Variants in IFT140 observed in about 807,000 individuals in gnomAD.
IFT140 encodes intraflagellar transport 140.
Under a neutral mutation model 164.6 loss-of-function variants are expected in IFT140, and 133 were observed. That is an observed-to-expected ratio of 0.81 (90% CI 0.70 to 0.93). IFT140 has a LOEUF of 0.93. Ranked by LOEUF, IFT140 falls within the 40% of genes least tolerant of loss-of-function variation. The pLI is 0.00. For synonymous variants in IFT140, 860 were observed against 817.3 expected (o/e 1.05, Z -0.89); for missense variants, 2,045 against 1,972.3 (o/e 1.04, Z -0.70).
rs911921055 is a variant in IFT140, at chr16:1,558,536, G to A, written c.2200-402C>T. On this transcript the variant is annotated intron_variant, in intron 18 of 30. Coordinates refer to ENST00000426508, the MANE Select transcript of IFT140 (RefSeq NM_014714.4). ...CCCCGCATGGCACAGGGAGGGACGC[G>A]GCTGTGGGCCCAGTGTGGGAGCACA... 2.6e-5 allele frequency among the ~76,000 whole-genome samples: 4 copies of A among 152,352 alleles called. No homozygotes were observed. The South Asian group carries it at 8.3e-4, about 32-fold the overall frequency.
At chr16:1,555,270 C>G in intron 19 of IFT140, 1 of 511,362 alleles carries the variant, frequency 2.0e-6, no homozygotes, top group Non-Finnish European at 3.5e-6. Flanking sequence ...CGCGGCTCCA[C>G]GACCACACGC....
intron 19 of IFT140, among the ~76,000 whole-genome samples, chr16:1,536,601 A>G (rs1256682271): frequency 6.6e-6 from 1 of 152,178 alleles, no homozygotes; most frequent in Non-Finnish European, 1.5e-5. Flanking sequence ...TCAACGGGTA[A>G]CTTTTCTTTA....
intron 13 of IFT140, chr16:1,579,365 T>A (rs2034437462): frequency 6.6e-6 from 1 of 151,982 alleles, no homozygotes; most frequent in South Asian, 2.1e-4. Flanking sequence ...ACCTTGTGGT[T>A]CAAGGTCAAG....
Position 1,528,948 on chromosome 16 carries a change from TC to T in IFT140, c.2400-2153del, listed in dbSNP as rs1365002912. On this transcript the variant is annotated intron_variant, in intron 19 of 30. Coordinates refer to ENST00000426508, the MANE Select transcript of IFT140 (RefSeq NM_014714.4). ...GGTGTGGGCTGCCCACATCTCAGCT[TC>T]CCTGGCTCCCACAGAATCACAGGGC... 3.9e-5 allele frequency among the ~76,000 whole-genome samples: 6 copies of T among 152,224 alleles called. No individual in the cohort carries two copies. The East Asian group carries it at 1.2e-3, about 29-fold the overall frequency.
At chr16:1,535,007 C>A (rs576267224) in intron 19 of IFT140, among the ~76,000 whole-genome samples, 28 of 151,950 alleles carry the variant, frequency 1.8e-4, no homozygotes, top group African/African-American at 6.3e-4. Context: ...GAGTTCAAGA[C>A]GAACCTAGCC....
chr16:1,604,989 G>C (rs749097642), intron 3 of IFT140, among the ~76,000 whole-genome samples: 29 of 152,140 alleles, frequency 1.9e-4, no homozygotes, highest in Non-Finnish European at 2.6e-4. Flanking sequence ...AGGTCTCCTT[G>C]AAACACCCTA....
intron 13 of IFT140, among the ~76,000 whole-genome samples, chr16:1,573,724 T>C (rs913514274): frequency 2.0e-5 from 3 of 152,166 alleles, no homozygotes; most frequent in African/African-American, 7.2e-5. Context: ...CCAGCTCTGC[T>C]GGTGGCTGCT....
chr16:1,519,720 G>T (rs1008953437), intron 29 of IFT140, among the ~76,000 whole-genome samples, 161 bp downstream of exon 29: 2 of 152,216 alleles, frequency 1.3e-5, no homozygotes, highest in Admixed American at 1.3e-4. Flanking sequence ...GGGCTCTGAG[G>T]GCTCCCAGGA....
rs2032531209 is a variant in IFT140, at chr16:1,550,329, A to G, written c.2399+7606T>C. 3.3e-5 allele frequency among the ~76,000 whole-genome samples: 5 copies of G among 152,228 alleles called. No homozygotes were observed. The South Asian group carries it at 8.3e-4, about 25-fold the overall frequency. ...GTGTTTATGGCAAGCAACACAGCCAACCATGCACAGGGAGGTCATGTCTGG... is the reference window on the plus strand; with the variant it reads ...GTGTTTATGGCAAGCAACACAGCCAGCCATGCACAGGGAGGTCATGTCTGG... On this transcript the variant is annotated intron_variant, in intron 19 of 30. Coordinates refer to ENST00000426508, the MANE Select transcript of IFT140 (RefSeq NM_014714.4).
chr16:1,563,863 C>T (rs1211601679), intron 17 of IFT140, 134 bp downstream of exon 17: 18 of 841,496 alleles, frequency 2.1e-5, no homozygotes, highest in Admixed American at 3.0e-5. Flanking sequence ...TGGGCTCAAG[C>T]GTTCCCTCCC....
At chr16:1,558,466 C>A (rs1202780428) in intron 18 of IFT140, among the ~76,000 whole-genome samples, 2 of 152,230 alleles carry the variant, frequency 1.3e-5, no homozygotes, top group African/African-American at 2.4e-5. Context: ...GCTGTGTACC[C>A]TCTACGGGTA....
In IFT140 at chr16:1,551,410, AGTGACTGAGAGGG is replaced by A. The variant is rs1033378883; in HGVS notation, c.2399+6512_2399+6524del. On this transcript the variant is annotated intron_variant, in intron 19 of 30. Transcript: ENST00000426508. This position sits in a 1 kb window ranked among gnomAD's most constrained non-coding sequence, Gnocchi z 4.0. ...GGAGAAGCCCAGAGTAGGTGGACCC[AGTGACTGAGAGGG>A]GTGGAAAGGGCCACTGGGCCCCAGG... Among the ~76,000 whole-genome samples the A allele has an allele frequency of 2.0e-5, 3 of 152,124 alleles. No individual in the cohort carries two copies. The highest frequency in any genetic ancestry group is 7.2e-5 in the African/African-American group (3 of 41,426).
At chr16:1,541,870 C>T (rs778280954) in intron 19 of IFT140, 3 of 1,504,264 alleles carry the variant, frequency 2.0e-6, no homozygotes, top group Admixed American at 4.2e-5. Flanking sequence ...GCTGGCGTGG[C>T]CTCTGGAGCC....
intron 19 of IFT140, among the ~76,000 whole-genome samples, chr16:1,536,845 C>G (rs2031122543): frequency 6.6e-6 from 1 of 152,254 alleles, no homozygotes; most frequent in African/African-American, 2.4e-5. Flanking sequence ...TCCACAGCAA[C>G]ATTCGCTGCC....
At chr16:1,520,371 C>A (rs773806310) in intron 27 of IFT140, 28 bp from the exon 28 acceptor site, 8 of 1,610,198 alleles carry the variant, frequency 5.0e-6, no homozygotes, top group Non-Finnish European at 5.9e-6. Flanking sequence ...GGGGCTCAGG[C>A]AAGCAGGGGC....
rs150129370 is a variant in IFT140, at chr16:1,523,951, G to C, written c.3147C>G (p.Asn1049Lys). 11 of 1,611,586 alleles carry C rather than the reference G, an allele frequency of 6.8e-6. No homozygotes were observed. Among genetic ancestry groups the C allele is most frequent in the South Asian group, 1.1e-5 (1 of 91,026 alleles). Reference protein sequence around the residue: ...FKNAIRLCKENGLDDQLMNLA... With the variant: ...FKNAIRLCKEKGLDDQLMNLA... ...AGTTCATGAGCTGGTCGTCCAGGCC[G>C]TTCTCCTGCAGGGAGGGAGGCAGGG... Residue 1049 changes from asparagine (N) to lysine (K), a missense_variant, in exon 25 of 31, where the codon AAC becomes AAG. Coordinates refer to ENST00000426508, the MANE Select transcript of IFT140 (RefSeq NM_014714.4).
intron 19 of IFT140, among the ~76,000 whole-genome samples, chr16:1,546,068 T>G (rs995710553): frequency 2.0e-5 from 3 of 152,244 alleles, no homozygotes; most frequent in African/African-American, 7.2e-5. Context: ...TTCTCTGCAC[T>G]GCACCTCTGT....
At chr16:1,544,464 C>T (rs1158626311) in intron 19 of IFT140, among the ~76,000 whole-genome samples, 1 of 150,900 alleles carries the variant, frequency 6.6e-6, no homozygotes, top group Non-Finnish European at 1.5e-5. Context: ...GGATTATAGG[C>T]GTGAGCCACC....
chr16:1,580,542 C>T, intron 13 of IFT140: 1 of 451,604 alleles, frequency 2.2e-6, no homozygotes, highest in South Asian at 2.5e-5. Flanking sequence ...TTGTAAGTTT[C>T]CTGAGGCCTC....
Sources: gnomAD v4.1 joint callset for allele counts (sites outside exome capture counted in the v4.1 genomes callset) on GRCh38, gnomAD v4.1.1 for gene constraint, Gnocchi (gnomAD v3.1) non-coding constraint, MANE v1.5 for transcripts, NCBI Gene and HGNC (gene_info 2026-07-23, HGNC 2026-07-21) for gene names.